The following DNAH9 variants were observed in gnomAD, a reference collection of about 807,000 sequenced individuals.
DNAH9 encodes dynein axonemal heavy chain 9.
Under a neutral mutation model 471.6 loss-of-function variants are expected in DNAH9, and 345 were observed. The observed-to-expected ratio is 0.73, with a 90% CI of 0.67 to 0.80. The LOEUF is 0.80. Among genes scored for constraint, DNAH9 ranks in the 30% least tolerant of loss-of-function variants. DNAH9 has a pLI of 0.00. For missense variants in DNAH9, 5,407 were observed against 5,609.2 expected, an observed-to-expected ratio of 0.96 and a Z score of 1.15; for synonymous variants, 2,093 against 2,123.6, an observed-to-expected ratio of 0.99 and a Z score of 0.40.
intron 17 of DNAH9, among the ~76,000 whole-genome samples, chr17:11,678,679 G>A (rs1273376858): frequency 2.0e-5 from 3 of 151,590 alleles, no homozygotes; most frequent in African/African-American, 4.8e-5. Context: ...TTTTCTTTTG[G>A]TAATCTGTAG....
intron 10 of DNAH9, among the ~76,000 whole-genome samples, chr17:11,643,498 A>C (rs1392375710): frequency 6.6e-6 from 1 of 152,248 alleles, no homozygotes. Context: ...ATAGTGTTAT[A>C]GACAATCATG....
intron 49 of DNAH9, among the ~76,000 whole-genome samples, chr17:11,849,242 A>C (rs914906788): frequency 2.0e-5 from 3 of 152,068 alleles, no homozygotes; most frequent in Non-Finnish European, 2.9e-5. Flanking sequence ...GGACCAAGCC[A>C]CCTTCAGTTC....
intron 52 of DNAH9, among the ~76,000 whole-genome samples, chr17:11,874,464 G>GT (rs1406941235): frequency 6.6e-6 from 1 of 152,086 alleles, no homozygotes; most frequent in Non-Finnish European, 1.5e-5. Flanking sequence ...AAGAAAACCC[G>GT]TCCAGCCTCT....
intron 14 of DNAH9, among the ~76,000 whole-genome samples, chr17:11,664,266 A>G (rs1261588361): frequency 2.0e-5 from 3 of 151,790 alleles, no homozygotes; most frequent in Non-Finnish European, 2.9e-5. Flanking sequence ...GCGGGGAGGA[A>G]GGAGGGGAGA....
chr17:11,882,356 G>C (rs1030030850), intron 55 of DNAH9, among the ~76,000 whole-genome samples: 1 of 152,164 alleles, frequency 6.6e-6, no homozygotes, highest in Non-Finnish European at 1.5e-5. Context: ...GGGAGTTAAG[G>C]CTTCAACATA....
At chr17:11,793,437 T>C in intron 41 of DNAH9, 66 bp from the exon 42 acceptor site, 4 of 1,476,476 alleles carry the variant, frequency 2.7e-6, no homozygotes, top group Non-Finnish European at 3.7e-6. Flanking sequence ...CTCCAGGAAG[T>C]TTTCCTAGCT....
intron 29 of DNAH9, among the ~76,000 whole-genome samples, chr17:11,739,500 T>C (rs959891383): frequency 1.3e-5 from 2 of 152,112 alleles, no homozygotes; most frequent in African/African-American, 2.4e-5. Flanking sequence ...CATATAAATC[T>C]TTTTTTTCCG....
intron 49 of DNAH9, among the ~76,000 whole-genome samples, chr17:11,852,814 G>GTGTGTATA (rs1169950713): frequency 1.7e-4 from 16 of 92,674 alleles, no homozygotes; most frequent in East Asian, 3.8e-4. Flanking sequence ...GTGTGTGTGT[G>GTGTGTATA]TATATATATA....
Position 11,727,802 on chromosome 17 carries a change from G to A in DNAH9, c.5710-16G>A. The A allele has an allele frequency of 6.3e-7, 1 of 1,581,510 alleles. No homozygotes were observed. Among genetic ancestry groups the A allele is most frequent in the Non-Finnish European group, 8.7e-7 (1 of 1,150,324 alleles). ...CTGGCCCGTTGGTAATTTAATCTTT[G>A]TGCATTTTCTTGCAGTCTTGTGGCA... On this transcript the variant is annotated splice_polypyrimidine_tract_variant and intron_variant, in intron 27 of 68. Transcript: ENST00000262442.
intron 16 of DNAH9, 31 bp downstream of exon 16, chr17:11,669,291 A>C: frequency 1.2e-6 from 2 of 1,602,216 alleles, no homozygotes; most frequent in Non-Finnish European, 1.7e-6. Context: ...CTGCCCTCCA[A>C]CTGTGTCCCG....
chr17:11,731,396 T>TG (rs2075266506), intron 28 of DNAH9, among the ~76,000 whole-genome samples: 2 of 42,094 alleles, frequency 4.8e-5, no homozygotes, highest in South Asian at 1.0e-3. Context: ...ACAGGTCTTC[T>TG]CTTTTTTTTT....
Position 11,629,553 on chromosome 17 carries a change from C to A in DNAH9, c.1487C>A (p.Ser496Tyr). The change falls in exon 7 of 69, where the codon TCC becomes TAC. Residue 496 changes from serine (S) to tyrosine (Y), a missense_variant. Physicochemically the swap from Ser to Tyr is moderately radical, Grantham distance 144 (BLOSUM62 -2). Around this residue, in one of 3 missense-constraint regions of DNAH9, gnomAD observed 767 missense variants for 692.5 expected, o/e 1.11. Transcript: ENST00000262442. ...GAGATGTACAGGCTTCTCTCAGGAT[C>A]CTCCTCCGACTGCCTGTACCTCCAA... Reference protein sequence around the residue: ...FQEMYRLLSGSSSDCLYLQST... With the variant: ...FQEMYRLLSGYSSDCLYLQST... 1 of 1,613,976 alleles carries A rather than the reference C, an allele frequency of 6.2e-7. No individual in the cohort carries two copies. The highest frequency in any genetic ancestry group is 1.1e-5 in the South Asian group (1 of 91,066).
intron 14 of DNAH9, among the ~76,000 whole-genome samples, chr17:11,658,705 G>A (rs756610054): frequency 1.3e-5 from 2 of 152,034 alleles, no homozygotes; most frequent in Non-Finnish European, 2.9e-5. Context: ...GTTTCATCAT[G>A]ATTAAACATC....
intron 49 of DNAH9, among the ~76,000 whole-genome samples, chr17:11,843,139 G>T (rs1015812095): frequency 1.4e-4 from 21 of 152,254 alleles, no homozygotes; most frequent in African/African-American, 4.1e-4. Flanking sequence ...TGCAATGACA[G>T]CTCCCTTCAC....
At chr17:11,826,363 G>GT (rs938368455) in intron 48 of DNAH9, among the ~76,000 whole-genome samples, 2 of 151,244 alleles carry the variant, frequency 1.3e-5, no homozygotes, top group Non-Finnish European at 2.9e-5. Flanking sequence ...GAAGCTGGGG[G>GT]GGTAATTTTA....
chr17:11,728,449 T>G (rs1294347031), intron 28 of DNAH9, among the ~76,000 whole-genome samples: 1 of 151,152 alleles, frequency 6.6e-6, no homozygotes, highest in African/African-American at 2.4e-5. Flanking sequence ...AAGCATTTAT[T>G]AAACACCTAC....
intron 19 of DNAH9, among the ~76,000 whole-genome samples, chr17:11,686,152 C>T (rs1179146596): frequency 3.3e-5 from 5 of 152,070 alleles, no homozygotes; most frequent in African/African-American, 1.2e-4. Context: ...TCATGGTATA[C>T]ACAGATACAG....
At chr17:11,786,020 A>G (rs140170599) in intron 41 of DNAH9, among the ~76,000 whole-genome samples, 4 of 152,138 alleles carry the variant, frequency 2.6e-5, no homozygotes, top group South Asian at 2.1e-4. Flanking sequence ...TCACCACACA[A>G]TCTTTCTCTT....
At chr17:11,785,535 C>A (rs1253844526) in intron 41 of DNAH9, among the ~76,000 whole-genome samples, 1 of 152,066 alleles carries the variant, frequency 6.6e-6, no homozygotes, top group Non-Finnish European at 1.5e-5. Context: ...GAAGCAGAAA[C>A]CTACTAAACC....
Sources: allele counts gnomAD v4.1 joint callset (sites outside exome capture counted in the v4.1 genomes callset), GRCh38; gene constraint gnomAD v4.1.1; regional missense constraint gnomAD v4.1.1; transcripts MANE v1.5; gene names NCBI Gene and HGNC (gene_info 2026-07-23, HGNC 2026-07-21).